MEGF10: variants seen among roughly 807,000 people sequenced by gnomAD.
MEGF10 encodes the protein multiple epidermal growth factor-like domains protein 10.
In MEGF10, 86 loss-of-function variants were observed where a neutral mutation model predicts 147.5. The ratio of observed to expected loss-of-function variants is 0.58; its 90% CI spans 0.49 to 0.70. The LOEUF (loss-of-function observed/expected upper bound fraction) is 0.70, where lower values mean the gene tolerates loss of function less well. Among genes scored for constraint, MEGF10 ranks in the 30% least tolerant of loss-of-function variants. The pLI, the probability that MEGF10 is intolerant of heterozygous loss-of-function variation, is 0.00. For synonymous variants in MEGF10, 478 were observed against 525.5 expected, an observed-to-expected ratio of 0.91 and a Z score of 1.24; for missense variants, 1,329 against 1,487.3, an observed-to-expected ratio of 0.89 and a Z score of 1.75.
intron 5 of MEGF10, among the ~76,000 whole-genome samples, chr5:127,381,378 A>G (rs1763256759): frequency 6.6e-6 from 1 of 152,250 alleles, no homozygotes; most frequent in South Asian, 2.1e-4. Flanking sequence ...GAAATATTAG[A>G]TCATAAATCT....
At chr5:127,289,989 G>A (rs192750930), upstream of MEGF10, among the ~76,000 whole-genome samples, 2 of 152,294 alleles carry the variant, frequency 1.3e-5, no homozygotes, top group Admixed American at 6.5e-5. Context: ...AGAGGAAGAT[G>A]GACAGTCAGA....
rs762886928 is a variant in MEGF10, at chr5:127,420,071, G to A, written c.1454G>A (p.Arg485Lys). ...AGWHGVDCSI[R>K]CPSGTWGFGC... Reference sequence around the variant, plus strand: ...TGGCACGGGGTGGACTGCTCCATCAGATGTCCCAGTGGCACATGGGGCTTT... The same window carrying A: ...TGGCACGGGGTGGACTGCTCCATCAAATGTCCCAGTGGCACATGGGGCTTT... The change falls in exon 12 of 25, where the codon AGA becomes AAA. Residue 485 changes from arginine to lysine, a missense_variant. By Grantham distance (26) the Arg-to-Lys change is conservative. Transcript: ENST00000503335. The A allele has an allele frequency of 6.2e-7, 1 of 1,614,224 alleles. No homozygotes were observed. The highest frequency in any genetic ancestry group is 8.5e-7 in the Non-Finnish European group (1 of 1,180,048).
At chr5:127,339,834 C>T (rs1052787951) in intron 3 of MEGF10, among the ~76,000 whole-genome samples, 24 of 152,254 alleles carry the variant, frequency 1.6e-4, no homozygotes, top group South Asian at 1.5e-3. Flanking sequence ...ACAAGCTGGC[C>T]TTGGCCACTC....
the MEGF10 span, among the ~76,000 whole-genome samples, chr5:127,249,375 AG>A: frequency 3.3e-5 from 5 of 151,884 alleles, no homozygotes; most frequent in African/African-American, 1.2e-4. Flanking sequence ...GAGGAGGAGG[AG>A]GAGGAGGAGA....
At chr5:127,304,247 C>G (rs866470894) in intron 1 of MEGF10, among the ~76,000 whole-genome samples, 1 of 152,204 alleles carries the variant, frequency 6.6e-6, no homozygotes, top group Non-Finnish European at 1.5e-5. Flanking sequence ...CTAGATAATG[C>G]TCCTTCTAGA....
At position 127,433,472 on chromosome 5, in the gene MEGF10, G is replaced by T. The variant is rs751580282; in HGVS notation, c.1803G>T (p.Glu601Asp). ...ASCSPDDGIC[E>D]CAPGFRGTTC... ...GCTCCCCTGATGATGGCATCTGCGA[G>T]TGTGCACCAGGCTTCCGAGGCACCA... The change falls in exon 14 of 25, where the codon GAG becomes GAT. Residue 601 changes from glutamate to aspartate, a missense_variant. Coordinates refer to ENST00000503335, the MANE Select transcript of MEGF10 (RefSeq NM_001256545.2). 7.4e-6 allele frequency: 12 copies of T among 1,613,096 alleles called. No homozygotes were observed. Among genetic ancestry groups the T allele is most frequent in the Non-Finnish European group, 1.0e-5 (12 of 1,179,624 alleles).
At position 127,422,678 on chromosome 5, in the gene MEGF10, G is replaced by T; in HGVS notation, c.1599G>T (p.Thr533=). Residue 533 remains threonine (T), a synonymous_variant, in exon 13 of 25, where the codon ACG becomes ACT. Coordinates refer to ENST00000503335, the MANE Select transcript of MEGF10 (RefSeq NM_001256545.2). ...EKCELPCQDG[T]YGLNCAERCD... ...TGCTGTTTTCCATGCAGGATGGCACGTACGGGCTGAACTGTGCTGAGCGCT... is the reference window on the plus strand; with the variant it reads ...TGCTGTTTTCCATGCAGGATGGCACTTACGGGCTGAACTGTGCTGAGCGCT... 3 of 1,613,784 alleles carry T rather than the reference G, an allele frequency of 1.9e-6. No homozygotes were observed. Among genetic ancestry groups the T allele is most frequent in the South Asian group, 1.1e-5 (1 of 91,060 alleles).
At chr5:127,264,897 C>G in the MEGF10 span, among the ~76,000 whole-genome samples, 11 of 151,518 alleles carry the variant, frequency 7.3e-5, no homozygotes, top group African/African-American at 2.7e-4. Flanking sequence ...GTTTGCTGCA[C>G]AGATCATCCC....
intron 5 of MEGF10, among the ~76,000 whole-genome samples, chr5:127,394,584 G>A (rs1763828838): frequency 6.6e-6 from 1 of 152,090 alleles, no homozygotes; most frequent in South Asian, 2.1e-4. Flanking sequence ...GGGTAGCTGA[G>A]ATCAAAAGGG....
At chr5:127,323,363 G>T (rs1356002568) in intron 1 of MEGF10, among the ~76,000 whole-genome samples, 1 of 152,196 alleles carries the variant, frequency 6.6e-6, no homozygotes, top group Non-Finnish European at 1.5e-5. Context: ...GATAATCTGG[G>T]ATGGTGCCCT....
intron 4 of MEGF10, among the ~76,000 whole-genome samples, chr5:127,365,157 G>A (rs892429362): frequency 2.6e-5 from 4 of 152,122 alleles, no homozygotes; most frequent in African/African-American, 7.2e-5. Context: ...TAGCTGGAAG[G>A]TTTGTGTTTC....
At chr5:127,390,197 G>C (rs530642933) in intron 5 of MEGF10, among the ~76,000 whole-genome samples, 2 of 152,202 alleles carry the variant, frequency 1.3e-5, no homozygotes, top group South Asian at 4.1e-4. Context: ...CCAGATAGTA[G>C]TTTCAACCAT....
chr5:127,244,014 T>A, the MEGF10 span, among the ~76,000 whole-genome samples: 1 of 151,260 alleles, frequency 6.6e-6, no homozygotes, highest in South Asian at 2.1e-4. Flanking sequence ...CTGACTAACA[T>A]GGAGAAACCC....
At position 127,403,400 on chromosome 5, in the gene MEGF10, G is replaced by T. The variant is rs142773901; in HGVS notation, c.917+718G>T. Reference sequence around the variant, plus strand: ...GAACTAAGCACATTATGCGGAATGGGGTATCCATCCCCTCAAGTATTTATC... The same window carrying T: ...GAACTAAGCACATTATGCGGAATGGTGTATCCATCCCCTCAAGTATTTATC... On this transcript the variant is annotated intron_variant, in intron 8 of 24. Transcript: ENST00000503335. 2.8e-4 allele frequency among the ~76,000 whole-genome samples: 42 copies of T among 152,048 alleles called. No homozygotes were observed. In the East Asian group the frequency reaches 7.3e-3, roughly 27 times the overall value.
the MEGF10 span, among the ~76,000 whole-genome samples, chr5:127,234,740 T>C: frequency 1.3e-5 from 2 of 152,218 alleles, no homozygotes; most frequent in Admixed American, 1.3e-4. Flanking sequence ...TTGTTAAGTG[T>C]CTTTTAGTGC....
chr5:127,267,235 T>C, the MEGF10 span, among the ~76,000 whole-genome samples: 2 of 152,150 alleles, frequency 1.3e-5, 1 homozygote, highest in African/African-American at 4.8e-5. Context: ...TATTGATTTG[T>C]GTATGTTGAA....
chr5:127,238,865 G>A, the MEGF10 span, among the ~76,000 whole-genome samples: 1 of 149,438 alleles, frequency 6.7e-6, no homozygotes, highest in Non-Finnish European at 1.5e-5. Flanking sequence ...TGCAGTCCTT[G>A]TCTGGTTTCC....
At position 127,322,692 on chromosome 5, in the gene MEGF10, A is replaced by G. The variant is rs562657954; in HGVS notation, c.-18-8599A>G. Among the ~76,000 whole-genome samples the G allele has an allele frequency of 2.8e-4, 43 of 152,360 alleles. No individual in the cohort carries two copies. The South Asian group carries it at 5.4e-3, about 19-fold the overall frequency. ...TTGGCAAAGCATTTGAAAAGTGTCCATGTGAAAAATTGTTAAAGTAATCAC... is the reference window on the plus strand; with the variant it reads ...TTGGCAAAGCATTTGAAAAGTGTCCGTGTGAAAAATTGTTAAAGTAATCAC... On this transcript the variant is annotated intron_variant, in intron 1 of 24. Transcript: ENST00000503335.
intron 4 of MEGF10, among the ~76,000 whole-genome samples, chr5:127,352,641 T>C (rs1322882854): frequency 1.3e-5 from 2 of 151,838 alleles, no homozygotes; most frequent in African/African-American, 4.8e-5. Context: ...CACTTCAGCC[T>C]GGGCGACAGA....
Sources: gnomAD v4.1 joint callset for allele counts (sites outside exome capture counted in the v4.1 genomes callset) on GRCh38, gnomAD v4.1.1 for gene constraint, MANE v1.5 for transcripts, NCBI Gene and HGNC (gene_info 2026-07-23, HGNC 2026-07-21) for gene names.